The following ERN2 variants were observed in gnomAD, a reference collection of about 807,000 sequenced individuals.
The protein encoded by ERN2 is endoplasmic reticulum to nucleus signaling 2, also known as serine/threonine-protein kinase/endoribonuclease IRE2.
A neutral mutation model predicts 107.9 loss-of-function variants in ERN2; 111 were observed. The ratio of observed to expected loss-of-function variants is 1.03; its 90% confidence interval spans 0.88 to 1.20. The LOEUF (loss-of-function observed/expected upper bound fraction) is 1.20. ERN2 is among the 50% of genes most tolerant of loss of function. The probability of loss-of-function intolerance (pLI) is 0.00; values close to 1 mark genes in which losing one functional copy is unlikely to be tolerated. For missense variants in ERN2, 1,225 were observed against 1,197.9 expected (o/e 1.02, Z -0.33); for synonymous variants, 524 against 501.7 (o/e 1.04, Z -0.59).
At chr16:23,701,197 G>C in intron 11 of ERN2, 83 bp from the exon 12 acceptor site, 1 of 1,449,892 alleles carries the variant, frequency 6.9e-7, no homozygotes, top group Non-Finnish European at 9.4e-7. Flanking sequence ...GCACAGAGCT[G>C]GGCTTAGCTG....
chr16:23,692,064 C>T lies in ERN2; in HGVS notation c.2275G>A (p.Gly759Arg), dbSNP rs1290257359. 1.2e-6 allele frequency: 2 copies of T among 1,613,838 alleles called. No homozygotes were observed. The highest frequency in any genetic ancestry group is 2.7e-5 in the African/African-American group (2 of 75,048). ...TGCGGCAGTGGGCTCAACATGGCTC[C>T]AACCAGGTCCCGGGCAACCACCTTG... ...HDKVVARDLV[G>R]AMLSPLPQPR... The change falls in exon 19 of 22, where the codon GGA becomes AGA. Residue 759 changes from glycine to arginine, a missense_variant. Gly to Arg is a moderately radical substitution (Grantham distance 125). Transcript: ENST00000256797.
chr16:23,710,937 C>T lies in ERN2; in HGVS notation c.175G>A (p.Asp59Asn), dbSNP rs142841560. 8.2e-5 allele frequency: 132 copies of T among 1,613,892 alleles called. 1 individual carries two copies. The African/African-American group carries it at 1.3e-3, about 16-fold the overall frequency. Residue 59 changes from aspartate to asparagine, a missense_variant, in exon 2 of 22, where the codon GAC becomes AAC. Asp to Asn is a conservative substitution (Grantham distance 23, BLOSUM62 1). Coordinates refer to ENST00000256797, the MANE Select transcript of ERN2 (RefSeq NM_033266.4). ...CCATCCCTCAGAGTCCACTTCAGGT[C>T]CCCTGTCTGCTTGCTTAGTGCGTGG... ...SLHALSKQTG[D>N]LKWTLRDDPV... is the part of the protein sequence containing the mutation.
In ERN2 at chr16:23,705,117, C is replaced by T; in HGVS notation, c.620G>A (p.Gly207Asp). ...TCCTGGGTCCACAGTGAGCAGCAGGCCCATCCCGCAGGACGCCAGGTGGCT... is the reference window on the plus strand; with the variant it reads ...TCCTGGGTCCACAGTGAGCAGCAGGTCCATCCCGCAGGACGCCAGGTGGCT... The part of the protein sequence containing the change: ...YMSHLASCGM[G>D]LLLTVDPGSG... Residue 207 changes from glycine (G) to aspartate (D), a missense_variant, in exon 8 of 22, where the codon GGC (glycine) becomes GAC (aspartate). Gly to Asp is a moderately conservative substitution (Grantham distance 94). Coordinates refer to ENST00000256797, the MANE Select transcript of ERN2 (RefSeq NM_033266.4). 1 of 1,613,444 alleles carries T rather than the reference C, an allele frequency of 6.2e-7. No individual in the cohort carries two copies. The highest frequency in any genetic ancestry group is 8.5e-7 in the Non-Finnish European group (1 of 1,179,498).
Position 23,706,765 on chromosome 16 carries a change from A to G in ERN2, c.476T>C (p.Ile159Thr), listed in dbSNP as rs1452300177. 2 of 1,607,790 alleles carry G rather than the reference A, an allele frequency of 1.2e-6. No individual in the cohort carries two copies. Among genetic ancestry groups the G allele is most frequent in the African/African-American group, 1.3e-5 (1 of 74,614 alleles). The change falls in exon 6 of 22, where the codon ATT becomes ACT. Residue 159 changes from isoleucine (I) to threonine (T), a missense_variant. Transcript: ENST00000256797. ...TEGPSTPRLY[I>T]GRTQYTVTMH... ...GGGGCCCAACTCACGTGTTCGGCCA[A>G]TGTAGAGGCGGGGGGTGGAGGGACC...
In ERN2 at chr16:23,695,915, G is replaced by A. The variant is rs775725961; in HGVS notation, c.1589C>T (p.Ala530Val). The A allele has an allele frequency of 8.1e-6, 13 of 1,614,008 alleles. No homozygotes were observed. The highest frequency in any genetic ancestry group is 7.6e-6 in the Non-Finnish European group (9 of 1,179,992). ...FNPKDVLGRG[A>V]GGTFVFRGQF... ...TCACCGGAAAACGAAAGTCCCGCCT[G>A]CCCCGCGGCCCAGCACGTCCTTGGG... The change falls in exon 14 of 22, where the codon GCA becomes GTA. Residue 530 changes from alanine (A) to valine (V), a missense_variant. By Grantham distance (64) the Ala-to-Val change is moderately conservative (BLOSUM62 0). Coordinates refer to ENST00000256797, the MANE Select transcript of ERN2 (RefSeq NM_033266.4).
chr16:23,699,525 G>T (rs551886547), intron 13 of ERN2, among the ~76,000 whole-genome samples: 16 of 152,284 alleles, frequency 1.1e-4, no homozygotes, highest in African/African-American at 3.6e-4. Context: ...CTGGACTCAA[G>T]CGATCCTCCT....
rs1262024786 is a variant in ERN2, at chr16:23,706,413, T to C, written c.506A>G (p.His169Arg). Residue 169 changes from histidine to arginine, a missense_variant, in exon 7 of 22, where the codon CAT becomes CGT. By Grantham distance (29) the His-to-Arg change is conservative (BLOSUM62 0). Transcript: ENST00000256797. ...IGRTQYTVTM[H>R]DPRAPALRWN... ...GCGCAGGGCTGGGGCTCTTGGGTCA[T>C]GCATGGTGACCGTATACTCTGGGGA... 6.4e-7 allele frequency: 1 copy of C among 1,572,358 alleles called. No homozygotes were observed. The highest frequency in any genetic ancestry group is 8.6e-7 in the Non-Finnish European group (1 of 1,157,904).
In ERN2 at chr16:23,705,127, A is replaced by G; in HGVS notation, c.610T>C (p.Cys204Arg). Residue 204 changes from cysteine (C) to arginine (R), a missense_variant, in exon 8 of 22, where the codon TGC becomes CGC. Coordinates refer to ENST00000256797, the MANE Select transcript of ERN2 (RefSeq NM_033266.4). ...PGKYMSHLAS[C>R]GMGLLLTVDP... ...ACAGTGAGCAGCAGGCCCATCCCGC[A>G]GGACGCCAGGTGGCTCATGTCTGCC... The G allele has an allele frequency of 6.2e-7, 1 of 1,612,584 alleles. No homozygotes were observed. Among genetic ancestry groups the G allele is most frequent in the Non-Finnish European group, 8.5e-7 (1 of 1,178,760 alleles).
In ERN2 at chr16:23,705,060, C is replaced by T; in HGVS notation, c.677G>A (p.Gly226Asp). 2 of 1,613,978 alleles carry T rather than the reference C, an allele frequency of 1.2e-6. No homozygotes were observed. The highest frequency in any genetic ancestry group is 1.7e-6 in the Non-Finnish European group (2 of 1,180,008). Reference protein sequence around the residue: ...SGTVLWTQDLGVPVMGVYTWH... With the variant: ...SGTVLWTQDLDVPVMGVYTWH... ...GGTGTAGACGCCCATCACAGGCACG[C>T]CCAGGTCCTGTGTCCACAGCACCGT... is the stretch of plus-strand genomic sequence containing the variant. Residue 226 changes from glycine (G) to aspartate (D), a missense_variant, in exon 8 of 22, where the codon GGC (glycine) becomes GAC (aspartate). Coordinates refer to ENST00000256797, the MANE Select transcript of ERN2 (RefSeq NM_033266.4).
intron 4 of ERN2, 55 bp downstream of exon 4, chr16:23,710,117 C>G (rs1960479288): frequency 8.1e-7 from 1 of 1,232,462 alleles, no homozygotes; most frequent in Admixed American, 1.7e-5. Flanking sequence ...TCTCAGTGCT[C>G]CAGCTGACGA....
Position 23,705,011 on chromosome 16 carries a change from C to A in ERN2, c.726G>T (p.Gln242His). The change falls in exon 8 of 22, where the codon CAG becomes CAT. Residue 242 changes from glutamine (Q) to histidine (H), a missense_variant. Physicochemically the swap from Gln to His is conservative, Grantham distance 24 (BLOSUM62 0). Coordinates refer to ENST00000256797, the MANE Select transcript of ERN2 (RefSeq NM_033266.4). ...VYTWHQDGLRQLPHLTLARDT... is the reference protein window; with the variant it reads ...VYTWHQDGLRHLPHLTLARDT... ...CTCGAGCCAGCGTGAGATGCGGCAG[C>A]TGGCGCAGGCCGTCCTGGTGCCAGG... 1.9e-6 allele frequency: 3 copies of A among 1,613,970 alleles called. No individual in the cohort carries two copies. The highest frequency in any genetic ancestry group is 2.5e-6 in the Non-Finnish European group (3 of 1,180,034).
rs200208104 is a variant in ERN2 at position 23,692,243 on chromosome 16, C to T, written c.2189G>A (p.Arg730His). Residue 730 changes from arginine (R) to histidine (H), a missense_variant, in exon 18 of 22, where the codon CGC (arginine) becomes CAC (histidine). Transcript: ENST00000256797. ...AGCCCCTGTGAGGATGTTTGCCTGGCGATAAAGACTGTCTCCAAAGGGGTG... is the reference window on the plus strand; with the variant it reads ...AGCCCCTGTGAGGATGTTTGCCTGGTGATAAAGACTGTCTCCAAAGGGGTG... Reference protein sequence around the residue: ...GSHPFGDSLYRQANILTGAPC... With the variant: ...GSHPFGDSLYHQANILTGAPC... 52 of 1,614,106 alleles carry T rather than the reference C, an allele frequency of 3.2e-5. No homozygotes were observed. The highest frequency in any genetic ancestry group is 1.5e-4 in the Admixed American group (9 of 60,012).
chr16:23,707,686 C>T (rs145458599), intron 4 of ERN2, among the ~76,000 whole-genome samples: 2,440 of 152,102 alleles, frequency 0.016, 63 homozygotes, highest in African/African-American at 0.056. Flanking sequence ...GCACTCCAGC[C>T]GAGGCAATAG....
At chr16:23,702,591 C>T in intron 9 of ERN2, 33 bp downstream of exon 9, 2 of 1,614,114 alleles carry the variant, frequency 1.2e-6, no homozygotes, top group Non-Finnish European at 1.7e-6. Context: ...CCCGTTCATC[C>T]TCTTTCCAGC....
Position 23,691,109 on chromosome 16 carries a change from A to G in ERN2, c.2568+20T>C, listed in dbSNP as rs200181992. The G allele has an allele frequency of 5.0e-5, 80 of 1,613,814 alleles. No homozygotes were observed. The highest frequency in any genetic ancestry group is 6.8e-5 in the Non-Finnish European group (80 of 1,179,802). ...CCAGGCCTTCCCAAGACCCAGGCCC[A>G]CCCAGGCCCCAACACATACCTTGTT... On this transcript the variant is annotated intron_variant, in intron 21 of 21. Transcript: ENST00000256797.
At chr16:23,711,203 G>A (rs1049598169) in intron 1 of ERN2, among the ~76,000 whole-genome samples, 185 bp from the exon 2 acceptor site, 1 of 152,114 alleles carries the variant, frequency 6.6e-6, no homozygotes, top group African/African-American at 2.4e-5. Flanking sequence ...GGGTTATAGT[G>A]GAAGCTGGGG....
At chr16:23,710,434 C>G in intron 3 of ERN2, 82 bp downstream of exon 3, 4 of 1,447,430 alleles carry the variant, frequency 2.8e-6, no homozygotes, top group Non-Finnish European at 3.9e-6. Context: ...TGTCCCTGCC[C>G]CACATACAAA....
Position 23,702,533 on chromosome 16 carries a change from C to T in ERN2, c.938G>A (p.Arg313His), listed in dbSNP as rs1198969580. ...LVHTGVALVP[R>H]GLTLAPADGP... ...ATCTGCGGGGGCCAGGGTCAGTCCA[C>T]GAGGCTATGGCAGAAGATGGAGAGC... The change falls in exon 10 of 22, where the codon CGT (arginine) becomes CAT (histidine). Residue 313 changes from arginine (R) to histidine (H), a missense_variant. Arg to His is a conservative substitution (Grantham distance 29). Transcript: ENST00000256797. 21 of 1,613,994 alleles carry T rather than the reference C, an allele frequency of 1.3e-5. No homozygotes were observed. Among genetic ancestry groups the T allele is most frequent in the Admixed American group, 1.7e-5 (1 of 60,014 alleles).
In ERN2 at chr16:23,690,934, G is replaced by A. The variant is rs372342770; in HGVS notation, c.2678C>T (p.Thr893Met). The A allele has an allele frequency of 8.4e-5, 136 of 1,613,904 alleles. 1 individual carries two copies. Among genetic ancestry groups the A allele is most frequent in the South Asian group, 4.0e-4 (36 of 91,088 alleles). The change falls in exon 22 of 22, where the codon ACG becomes ATG. Residue 893 changes from threonine to methionine, a missense_variant. Thr to Met is a moderately conservative substitution (Grantham distance 81). Transcript: ENST00000256797. ...GGCGCAGCTCCTCATGGCTCGGTGC[G>A]TGTGGAGGAGCAGCCGTGGGAAGCG... is the stretch of plus-strand genomic sequence containing the variant. Reference protein sequence around the residue: ...TNRFPRLLLHTHRAMRSCASE... With the variant: ...TNRFPRLLLHMHRAMRSCASE...
Sources: allele counts gnomAD v4.1 joint callset (sites outside exome capture counted in the v4.1 genomes callset), GRCh38; gene constraint gnomAD v4.1.1; transcripts MANE v1.5; gene names NCBI Gene and HGNC (gene_info 2026-07-23, HGNC 2026-07-21).